Variants in TIAM2 observed in about 807,000 individuals in gnomAD.
The protein encoded by TIAM2 is rho guanine nucleotide exchange factor TIAM2.
A neutral mutation model predicts 152.9 loss-of-function variants in TIAM2; 80 were observed. That is an observed-to-expected ratio of 0.52 (90% CI 0.44 to 0.63). The LOEUF (loss-of-function observed/expected upper bound fraction) is 0.63. Among genes scored for constraint, TIAM2 ranks in the 30% least tolerant of loss-of-function variants. The pLI, the probability that TIAM2 is intolerant of heterozygous loss-of-function variation, is 0.00. For synonymous variants in TIAM2, 804 were observed against 838.0 expected (o/e 0.96, Z 0.70); for missense variants, 1,965 against 2,120.1 (o/e 0.93, Z 1.44).
At chr6:155,149,971 T>C (rs1426763922) in intron 7 of TIAM2, among the ~76,000 whole-genome samples, 12 of 151,104 alleles carry the variant, frequency 7.9e-5, no homozygotes, top group Admixed American at 5.9e-4. Flanking sequence ...TGTCTAAAAA[T>C]AGGAAACTGA....
chr6:155,040,197 A>G (rs986792561), intron 1 of TIAM2, among the ~76,000 whole-genome samples: 6 of 152,118 alleles, frequency 3.9e-5, no homozygotes, highest in Non-Finnish European at 8.8e-5. Context: ...TTACTTTCTC[A>G]TCTTTCCCCC....
At chr6:155,065,937 A>G (rs1432808729) in intron 1 of TIAM2, among the ~76,000 whole-genome samples, 3 of 152,188 alleles carry the variant, frequency 2.0e-5, no homozygotes, top group Non-Finnish European at 2.9e-5. Flanking sequence ...CCCAAGTTGT[A>G]TGCTGATCCA....
At chr6:154,996,070 G>T (rs899181119) in intron 1 of TIAM2, among the ~76,000 whole-genome samples, 2 of 146,118 alleles carry the variant, frequency 1.4e-5, no homozygotes, top group Admixed American at 1.3e-4. Context: ...CGCGGCTCCT[G>T]GGGGGGCTGA....
In TIAM2 at chr6:155,029,533, A is replaced by ACTATAGTATATATTATAGTATAG. The variant is rs1562295299; in HGVS notation, c.-209+34041_-209+34042insCTATAGTATATATTATAGTATAG. Among the ~76,000 whole-genome samples the ACTATAGTATATATTATAGTATAG allele has an allele frequency of 2.0e-3, 128 of 65,550 alleles. 6 individuals are homozygous for ACTATAGTATATATTATAGTATAG. Among genetic ancestry groups the ACTATAGTATATATTATAGTATAG allele is most frequent in the East Asian group, 4.7e-3 (15 of 3,180 alleles). The allele number at this position is 65,550 out of a possible 152,430, so 43.0% of individuals were successfully genotyped here. On this transcript the variant is annotated intron_variant, in intron 1 of 26. Coordinates refer to ENST00000682666, the MANE Select transcript of TIAM2 (RefSeq NM_012454.4). The stretch of plus-strand genomic sequence containing the variant: ...ATATACTATATATTATAGTATAGAT[A>ACTATAGTATATATTATAGTATAG]ATAATATATATTATGTAGTATAAAT...
At chr6:155,017,663 C>T (rs1778617680) in intron 1 of TIAM2, among the ~76,000 whole-genome samples, 1 of 152,090 alleles carries the variant, frequency 6.6e-6, no homozygotes, top group Non-Finnish European at 1.5e-5. Flanking sequence ...GCCACCACGC[C>T]CGGCTAATTT....
intron 1 of TIAM2, among the ~76,000 whole-genome samples, chr6:154,999,748 C>T (rs1192018661): frequency 1.3e-5 from 2 of 151,826 alleles, no homozygotes; most frequent in African/African-American, 2.4e-5. Flanking sequence ...TCTTGGCTCA[C>T]TGCAACTTCT....
chr6:155,245,843 AG>A lies in TIAM2; in HGVS notation c.3652+114del. On this transcript the variant is annotated intron_variant, in intron 19 of 26. Transcript: ENST00000682666. ...GAGTAAGTACAATTTTGATGTATTA[AG>A]GTCCATCCTTGACCTTGACAGTGGC... 8.5e-6 allele frequency: 6 copies of A among 704,152 alleles called. No homozygotes were observed. In the East Asian group the frequency reaches 1.6e-4, roughly 19 times the overall value. 43.6% of individuals were successfully genotyped at this position (704,152 alleles called of 1,614,324 possible).
intron 7 of TIAM2, among the ~76,000 whole-genome samples, chr6:155,150,791 A>G (rs9480068): frequency 0.46 from 70,167 of 151,758 alleles, 16,791 homozygotes; most frequent in Middle Eastern, 0.56. Context: ...TGACATGAGG[A>G]GCGAGGGATC....
At chr6:155,208,596 C>T (rs1167225256) in intron 14 of TIAM2, among the ~76,000 whole-genome samples, 1 of 152,144 alleles carries the variant, frequency 6.6e-6, no homozygotes, top group South Asian at 2.1e-4. Flanking sequence ...GCTTGTTATC[C>T]CCACTTCTCC....
At chr6:155,161,655 C>T (rs1780274613) in intron 7 of TIAM2, among the ~76,000 whole-genome samples, 1 of 151,658 alleles carries the variant, frequency 6.6e-6, no homozygotes, top group Non-Finnish European at 1.5e-5. Context: ...GCAGCCTCCA[C>T]CTCCGGGGTT....
intron 2 of TIAM2, among the ~76,000 whole-genome samples, chr6:155,114,012 CTTTATATA>C (rs1778928440): frequency 2.4e-5 from 1 of 41,660 alleles, no homozygotes; most frequent in Non-Finnish European, 4.4e-5. Context: ...TTATACTTTA[CTTTATATA>C]TATATATATA....
At chr6:155,132,372 G>A (rs548638495) in intron 4 of TIAM2, among the ~76,000 whole-genome samples, 2 of 151,646 alleles carry the variant, frequency 1.3e-5, no homozygotes, top group African/African-American at 4.8e-5. Context: ...TCCTTCTGAT[G>A]TATATAGCGT....
At chr6:155,030,844 A>G (rs932030424) in intron 1 of TIAM2, among the ~76,000 whole-genome samples, 2 of 152,140 alleles carry the variant, frequency 1.3e-5, no homozygotes, top group African/African-American at 4.8e-5. Context: ...TAAATCTTTC[A>G]TTTTAGTGAT....
At chr6:155,245,373 C>A (rs1309540956) in intron 18 of TIAM2, among the ~76,000 whole-genome samples, 1 of 152,140 alleles carries the variant, frequency 6.6e-6, no homozygotes, top group Non-Finnish European at 1.5e-5. Context: ...GTAGAACTTT[C>A]TTTGTTTCTT....
chr6:155,065,203 C>G (rs939661399), intron 1 of TIAM2, among the ~76,000 whole-genome samples: 2 of 152,126 alleles, frequency 1.3e-5, no homozygotes, highest in African/African-American at 2.4e-5. Flanking sequence ...ATCTGCCCAC[C>G]TCGGCCTCCC....
intron 2 of TIAM2, among the ~76,000 whole-genome samples, chr6:155,104,560 A>G (rs951940005): frequency 3.9e-5 from 6 of 152,124 alleles, no homozygotes; most frequent in Non-Finnish European, 8.8e-5. Context: ...GATCGAGACC[A>G]TCCTGGCTAA....
At chr6:155,146,267 G>C (rs1213872913) in intron 6 of TIAM2, among the ~76,000 whole-genome samples, 3 of 152,168 alleles carry the variant, frequency 2.0e-5, no homozygotes, top group African/African-American at 7.2e-5. Context: ...TGTGGTCCCA[G>C]CTACTTGGGA....
At chr6:155,247,548 G>A (rs1159907720) in intron 19 of TIAM2, among the ~76,000 whole-genome samples, 3 of 152,046 alleles carry the variant, frequency 2.0e-5, no homozygotes, top group Non-Finnish European at 2.9e-5. Context: ...GGCTGGTCTC[G>A]AACTCGTGAC....
At chr6:155,228,145 A>G (rs1782312295) in intron 15 of TIAM2, among the ~76,000 whole-genome samples, 1 of 152,220 alleles carries the variant, frequency 6.6e-6, no homozygotes. Flanking sequence ...TGTCCTAAGC[A>G]AAGCTGGGTG....
Sources: gnomAD v4.1 joint callset for allele counts (sites outside exome capture counted in the v4.1 genomes callset) on GRCh38, gnomAD v4.1.1 for gene constraint, MANE v1.5 for transcripts, NCBI Gene and HGNC (gene_info 2026-07-23, HGNC 2026-07-21) for gene names.